Variants in VWA3B observed in about 807,000 individuals in gnomAD.
VWA3B encodes von Willebrand factor A domain containing 3B.
In VWA3B, 138 loss-of-function variants were observed where a neutral mutation model predicts 158.3. That is an observed-to-expected ratio of 0.87 (90% confidence interval 0.76 to 1.00). The LOEUF is 1.00. VWA3B is among the 50% of genes least tolerant of loss of function. The pLI, the probability that VWA3B is intolerant of heterozygous loss-of-function variation, is 0.00. For synonymous variants in VWA3B, 596 were observed against 587.3 expected (o/e 1.01, Z -0.21); for missense variants, 1,555 against 1,565.1 (o/e 0.99, Z 0.11).
intron 21 of VWA3B, among the ~76,000 whole-genome samples, chr2:98,265,314 A>G (rs1687741128): frequency 6.6e-6 from 1 of 150,936 alleles, no homozygotes; most frequent in South Asian, 2.1e-4. Context: ...TGTTCTTGCG[A>G]TAGTTTACTG....
intron 20 of VWA3B, among the ~76,000 whole-genome samples, chr2:98,251,831 A>G (rs1294735327): frequency 6.6e-6 from 1 of 152,120 alleles, no homozygotes. Flanking sequence ...GTGAGCCTCC[A>G]TCGTTGCCCT....
chr2:98,191,348 G>A (rs1026809865), intron 10 of VWA3B, among the ~76,000 whole-genome samples: 5 of 152,036 alleles, frequency 3.3e-5, no homozygotes, highest in Admixed American at 2.0e-4. Flanking sequence ...TTTTTCTTCT[G>A]GTTTGGATCG....
intron 2 of VWA3B, among the ~76,000 whole-genome samples, chr2:98,105,611 C>T (rs559417069): frequency 6.6e-6 from 1 of 151,768 alleles, no homozygotes; most frequent in Non-Finnish European, 1.5e-5. Context: ...TTTTGTAATC[C>T]CAGCACTTTG....
intron 9 of VWA3B, among the ~76,000 whole-genome samples, chr2:98,184,812 C>T (rs1340048563): frequency 6.6e-6 from 1 of 152,190 alleles, no homozygotes; most frequent in Non-Finnish European, 1.5e-5. Context: ...CCTCCTTGCT[C>T]CTGTTTTCTG....
At chr2:98,311,228 A>T (rs1690871940) in intron 26 of VWA3B, among the ~76,000 whole-genome samples, 1 of 152,250 alleles carries the variant, frequency 6.6e-6, no homozygotes, top group East Asian at 1.9e-4. Flanking sequence ...TCATGGTGTT[A>T]TCAAGGTGCC....
At chr2:98,326,113 TA>T in the VWA3B span, among the ~76,000 whole-genome samples, 2 of 152,058 alleles carry the variant, frequency 1.3e-5, no homozygotes, top group African/African-American at 2.4e-5. Flanking sequence ...AATCGCAAGG[TA>T]AAATGACAAC....
chr2:98,306,754 TC>T lies in VWA3B; in HGVS notation c.3521+2956del, dbSNP rs371693467. Reference sequence around the variant, plus strand: ...TGAGAAAAGCCTTTGTTTTCCATCTTCCCCAGGCCTTATTTAAAGCTCTTCA... The same window carrying T: ...TGAGAAAAGCCTTTGTTTTCCATCTTCCCAGGCCTTATTTAAAGCTCTTCA... On this transcript the variant is annotated intron_variant, in intron 26 of 27. Coordinates refer to ENST00000477737, the MANE Select transcript of VWA3B (RefSeq NM_144992.5). Among the ~76,000 whole-genome samples, 494 of 152,322 alleles carry T rather than the reference TC, an allele frequency of 3.2e-3. 3 individuals are homozygous for T. The highest frequency in any genetic ancestry group is 0.011 in the African/African-American group (461 of 41,578).
intron 12 of VWA3B, among the ~76,000 whole-genome samples, chr2:98,203,938 T>C (rs1682796614): frequency 6.6e-6 from 1 of 152,234 alleles, no homozygotes; most frequent in African/African-American, 2.4e-5. Context: ...CAATAAAATA[T>C]AATACAAAAC....
intron 3 of VWA3B, among the ~76,000 whole-genome samples, chr2:98,117,587 G>A (rs1674627626): frequency 1.3e-5 from 2 of 152,120 alleles, no homozygotes; most frequent in Admixed American, 6.6e-5. Context: ...ACCCTGGTGG[G>A]GTGTTGGGGC....
chr2:98,208,775 C>T (rs911531591), intron 12 of VWA3B, among the ~76,000 whole-genome samples: 6 of 152,194 alleles, frequency 3.9e-5, no homozygotes, highest in African/African-American at 1.2e-4. Context: ...TAAAATGTAA[C>T]TAAAGAAATC....
chr2:98,275,226 C>T (rs978290045), intron 22 of VWA3B, among the ~76,000 whole-genome samples: 5 of 152,182 alleles, frequency 3.3e-5, no homozygotes, highest in African/African-American at 1.2e-4. Flanking sequence ...AATGAAAGAA[C>T]AAACACAGAA....
intron 23 of VWA3B, among the ~76,000 whole-genome samples, chr2:98,296,856 A>C (rs946946821): frequency 7.2e-5 from 11 of 151,742 alleles, no homozygotes; most frequent in Non-Finnish European, 1.5e-4. Flanking sequence ...TTTTCCTAGA[A>C]TGATAATCTA....
chr2:98,207,941 C>T (rs1244328847), intron 12 of VWA3B, among the ~76,000 whole-genome samples: 1 of 152,036 alleles, frequency 6.6e-6, no homozygotes, highest in Non-Finnish European at 1.5e-5. Flanking sequence ...TAAGACTCTA[C>T]CTATTTTATC....
chr2:98,320,485 G>A, the VWA3B span, among the ~76,000 whole-genome samples: 2 of 152,196 alleles, frequency 1.3e-5, no homozygotes, highest in East Asian at 3.8e-4. Flanking sequence ...CTCAGAAAAA[G>A]ACAGGAAAAT....
chr2:98,129,420 T>C (rs1357116543), intron 6 of VWA3B, among the ~76,000 whole-genome samples: 3 of 152,030 alleles, frequency 2.0e-5, no homozygotes, highest in Admixed American at 6.5e-5. Context: ...TCCTATAAGG[T>C]CACTCATCCT....
chr2:98,174,377 A>G (rs1442545744), intron 8 of VWA3B, among the ~76,000 whole-genome samples: 1 of 152,082 alleles, frequency 6.6e-6, no homozygotes, highest in Non-Finnish European at 1.5e-5. Context: ...AGTTCCTTCA[A>G]AGCTTCATTT....
chr2:98,119,408 C>T, intron 3 of VWA3B, 105 bp from the exon 4 acceptor site: 1 of 1,291,660 alleles, frequency 7.7e-7, no homozygotes, highest in Non-Finnish European at 1.1e-6. Context: ...TTTGGAGGGT[C>T]ATTGACAACA....
chr2:98,096,933 A>C (rs1305989848), intron 2 of VWA3B, among the ~76,000 whole-genome samples: 2 of 152,122 alleles, frequency 1.3e-5, no homozygotes, highest in African/African-American at 2.4e-5. Context: ...AGGTAAGGTA[A>C]AACATTGGGT....
intron 7 of VWA3B, among the ~76,000 whole-genome samples, chr2:98,154,852 C>G (rs1003247499): frequency 6.6e-6 from 1 of 152,150 alleles, no homozygotes; most frequent in South Asian, 2.1e-4. Context: ...GTGACAGATC[C>G]GTTTCACATT....
Sources: gnomAD v4.1 joint callset for allele counts (sites outside exome capture counted in the v4.1 genomes callset) on GRCh38, gnomAD v4.1.1 for gene constraint, MANE v1.5 for transcripts, NCBI Gene and HGNC (gene_info 2026-07-23, HGNC 2026-07-21) for gene names.